The following SCAI variants were observed in gnomAD, a reference collection of about 807,000 sequenced individuals.
SCAI encodes the protein protein SCAI.
In SCAI, 24 loss-of-function variants were observed where a neutral mutation model predicts 92.2. That is an observed-to-expected ratio of 0.26 (90% confidence interval 0.19 to 0.37). The LOEUF (loss-of-function observed/expected upper bound fraction) is 0.37. Ranked by LOEUF, SCAI falls within the 10% of genes least tolerant of loss-of-function variation. SCAI has a pLI of 1.00. For synonymous variants in SCAI, 261 were observed against 258.6 expected, an observed-to-expected ratio of 1.01 and a Z score of -0.09; for missense variants, 450 against 736.2, an observed-to-expected ratio of 0.61 and a Z score of 4.50.
At position 125,095,099 on chromosome 9, in the gene SCAI, G is replaced by A. The variant is rs147594098; in HGVS notation, c.99-39092C>T. On this transcript the variant is annotated intron_variant, in intron 2 of 17. Transcript: ENST00000336505. ...AGCTCCTGTAGACATTACCTCTGCA[G>A]AGCTACCTTGCCCAAGGTCATGTGC... is the stretch of plus-strand genomic sequence containing the variant. 3.0e-4 allele frequency among the ~76,000 whole-genome samples: 46 copies of A among 152,276 alleles called. No individual in the cohort carries two copies. The East Asian group carries it at 6.0e-3, about 20-fold the overall frequency.
intron 14 of SCAI, among the ~76,000 whole-genome samples, chr9:124,990,330 A>C (rs748362496): frequency 2.4e-4 from 37 of 151,922 alleles, no homozygotes; most frequent in Non-Finnish European, 5.3e-4. Flanking sequence ...CTCTACTAAA[A>C]ACACAAAAAT....
chr9:124,971,190 A>G, intron 17 of SCAI, 180 bp downstream of exon 17: 1 of 406,860 alleles, frequency 2.5e-6, no homozygotes, highest in Non-Finnish European at 4.3e-6. Flanking sequence ...TACTTTACGT[A>G]TTCAAATGTA....
At chr9:125,088,354 G>C (rs1466761328) in intron 2 of SCAI, among the ~76,000 whole-genome samples, 2 of 152,164 alleles carry the variant, frequency 1.3e-5, no homozygotes, top group African/African-American at 4.8e-5. Context: ...GATCATGGGG[G>C]CAGATTTCCC....
intron 9 of SCAI, among the ~76,000 whole-genome samples, chr9:125,006,792 T>C (rs1478598847): frequency 6.6e-6 from 1 of 152,102 alleles, no homozygotes; most frequent in African/African-American, 2.4e-5. Context: ...ACCTGACCTA[T>C]ACTTTTAAAA....
In SCAI at chr9:125,082,545, T is replaced by C. The variant is rs566843228; in HGVS notation, c.99-26538A>G. ...GTAGATACACTGACAGCTTGCACCA[T>C]GCGCCTGGAAAATCTGTAGAAACTC... On this transcript the variant is annotated intron_variant, in intron 2 of 17. Coordinates refer to ENST00000336505, the MANE Select transcript of SCAI (RefSeq NM_001144877.3). Among the ~76,000 whole-genome samples the C allele has an allele frequency of 4.1e-4, 62 of 152,270 alleles. 1 individual carries two copies. The highest frequency in any genetic ancestry group is 3.4e-3 in the Middle Eastern group (1 of 294).
At position 124,973,439 on chromosome 9, in the gene SCAI, T is replaced by C. The variant is rs1407578924; in HGVS notation, c.1400-1595A>G. ...TTGGCCAGGTGTGGTGGCTCACGCC[T>C]GTAATCCCAGCACTTTGGGAGGCCA... On this transcript the variant is annotated intron_variant, in intron 15 of 17. Coordinates refer to ENST00000336505, the MANE Select transcript of SCAI (RefSeq NM_001144877.3). 2.0e-5 allele frequency among the ~76,000 whole-genome samples: 3 copies of C among 152,248 alleles called. No individual in the cohort carries two copies. The East Asian group carries it at 5.8e-4, about 29-fold the overall frequency.
chr9:125,038,151 G>C (rs1833240327), intron 3 of SCAI, among the ~76,000 whole-genome samples: 1 of 152,106 alleles, frequency 6.6e-6, no homozygotes, highest in Admixed American at 6.6e-5. Flanking sequence ...TAGCTACTCG[G>C]GGAGCTGAGG....
chr9:124,993,472 C>T (rs1023047376), intron 14 of SCAI, among the ~76,000 whole-genome samples: 6 of 152,202 alleles, frequency 3.9e-5, no homozygotes, highest in African/African-American at 1.4e-4. Flanking sequence ...TGCCTGTAAT[C>T]CCAACTACTT....
At chr9:125,087,654 T>C (rs748915770) in intron 2 of SCAI, among the ~76,000 whole-genome samples, 9 of 152,224 alleles carry the variant, frequency 5.9e-5, no homozygotes, top group Non-Finnish European at 1.2e-4. Context: ...GTTTGGCCCA[T>C]GTAGCATCAA....
chr9:125,086,796 G>A (rs368237611), intron 2 of SCAI, among the ~76,000 whole-genome samples: 3 of 152,150 alleles, frequency 2.0e-5, no homozygotes, highest in African/African-American at 4.8e-5. Flanking sequence ...TTCAAATACA[G>A]CTGCATGATT....
intron 3 of SCAI, among the ~76,000 whole-genome samples, chr9:125,030,395 G>A (rs1833050917): frequency 6.6e-6 from 1 of 152,132 alleles, no homozygotes; most frequent in South Asian, 2.1e-4. Context: ...ACAAAGATAG[G>A]GCTGTTCTTC....
chr9:125,081,378 T>C (rs968158974), intron 2 of SCAI, among the ~76,000 whole-genome samples: 1 of 152,232 alleles, frequency 6.6e-6, no homozygotes, highest in African/African-American at 2.4e-5. Context: ...CAGATGGAGA[T>C]AAGGAACTTG....
chr9:125,015,113 T>C (rs988117180), intron 9 of SCAI, among the ~76,000 whole-genome samples: 1 of 152,182 alleles, frequency 6.6e-6, no homozygotes, highest in African/African-American at 2.4e-5. Context: ...ATTCAGTACG[T>C]AGGCATGGGC....
chr9:125,133,312 C>G (rs1356556011), intron 2 of SCAI, among the ~76,000 whole-genome samples: 1 of 151,686 alleles, frequency 6.6e-6, no homozygotes, highest in African/African-American at 2.4e-5. Context: ...TCACTTGAAC[C>G]TGGGAGGCGG....
chr9:125,017,826 T>C (rs925976504), intron 9 of SCAI, among the ~76,000 whole-genome samples: 1 of 151,850 alleles, frequency 6.6e-6, no homozygotes, highest in African/African-American at 2.4e-5. Context: ...CTGGCCAACA[T>C]GATGATGCCA....
Position 124,952,696 on chromosome 9 carries a change from A to G in SCAI, c.*111T>C. ...TTTGTTTTTAAAATGGTGGCCCTAA[A>G]TTAAAAAATAAAAACTAAGTAACAC... On this transcript the variant is annotated 3_prime_UTR_variant, in exon 18 of 18. Coordinates refer to ENST00000336505, the MANE Select transcript of SCAI (RefSeq NM_001144877.3). 1.3e-6 allele frequency: 1 copy of G among 790,074 alleles called. No homozygotes were observed. 48.9% of individuals were successfully genotyped at this position (790,074 alleles called of 1,614,324 possible).
chr9:125,053,282 C>T (rs1833598468), intron 3 of SCAI, among the ~76,000 whole-genome samples: 1 of 152,034 alleles, frequency 6.6e-6, no homozygotes, highest in Non-Finnish European at 1.5e-5. Context: ...TGCAGTAAGC[C>T]AAAATCGTGT....
intron 15 of SCAI, 99 bp downstream of exon 15, chr9:124,976,015 C>G: frequency 1.3e-6 from 1 of 774,588 alleles, no homozygotes; most frequent in South Asian, 1.6e-5. Flanking sequence ...AATCCACACG[C>G]GATCATTATG....
chr9:125,033,558 C>T (rs1332241848), intron 3 of SCAI, among the ~76,000 whole-genome samples: 1 of 152,122 alleles, frequency 6.6e-6, no homozygotes, highest in Non-Finnish European at 1.5e-5. Context: ...TCTGGTCTTT[C>T]TATGTAGGTT....
Sources: gnomAD v4.1 joint callset for allele counts (sites outside exome capture counted in the v4.1 genomes callset) on GRCh38, gnomAD v4.1.1 for gene constraint, MANE v1.5 for transcripts, NCBI Gene and HGNC (gene_info 2026-07-23, HGNC 2026-07-21) for gene names.